STARD13: variants seen among roughly 807,000 people sequenced by gnomAD.
STARD13 encodes the protein StAR related lipid transfer domain containing 13.
A neutral mutation model predicts 106.4 loss-of-function variants in STARD13; 62 were observed. The observed-to-expected ratio is 0.58, with a 90% confidence interval of 0.48 to 0.72. STARD13 has a LOEUF of 0.72. STARD13 is among the 30% of genes least tolerant of loss of function. The pLI is 0.00. For missense variants in STARD13, 1,387 were observed against 1,424.0 expected, an observed-to-expected ratio of 0.97 and a Z score of 0.42; for synonymous variants, 565 against 553.0, an observed-to-expected ratio of 1.02 and a Z score of -0.31.
At chr13:33,258,190 G>A (rs906390888) in intron 1 of STARD13, among the ~76,000 whole-genome samples, 2 of 152,118 alleles carry the variant, frequency 1.3e-5, no homozygotes, top group Non-Finnish European at 2.9e-5. Context: ...TGGCTTGATC[G>A]TCAATGATTC....
chr13:33,358,367 C>T, the STARD13 span, among the ~76,000 whole-genome samples: 703 of 152,318 alleles, frequency 4.6e-3, 4 homozygotes, highest in African/African-American at 0.015. Flanking sequence ...GGAATGTAAG[C>T]GCACGGCACA....
chr13:33,347,724 T>C (rs2078032706), downstream of STARD13, among the ~76,000 whole-genome samples: 1 of 152,166 alleles, frequency 6.6e-6, no homozygotes, highest in South Asian at 2.1e-4. Flanking sequence ...TGTAAATACA[T>C]TCTATGATTT....
chr13:33,368,663 T>G, the STARD13 span, among the ~76,000 whole-genome samples: 4 of 152,152 alleles, frequency 2.6e-5, no homozygotes, highest in Non-Finnish European at 5.9e-5. Flanking sequence ...CAAAAGGGCC[T>G]GCGCTGTGAA....
chr13:33,261,286 A>G (rs924464703), intron 1 of STARD13, among the ~76,000 whole-genome samples: 2 of 152,200 alleles, frequency 1.3e-5, no homozygotes, highest in Non-Finnish European at 2.9e-5. Flanking sequence ...GCCTCTTAGC[A>G]TCCCACAATG....
the STARD13 span, among the ~76,000 whole-genome samples, chr13:33,579,965 A>G: frequency 6.6e-6 from 1 of 152,126 alleles, no homozygotes; most frequent in Non-Finnish European, 1.5e-5. Flanking sequence ...GCTGATGGAA[A>G]CGCAAAATGG....
chr13:33,461,425 T>C, the STARD13 span, among the ~76,000 whole-genome samples: 5 of 152,200 alleles, frequency 3.3e-5, no homozygotes, highest in Non-Finnish European at 7.3e-5. Context: ...ACCAGCCACA[T>C]AAAGTAGGTA....
chr13:33,125,655 GAA>G (rs11390553), intron 7 of STARD13, among the ~76,000 whole-genome samples: 4,312 of 150,908 alleles, frequency 0.029, 221 homozygotes, highest in African/African-American at 0.097. Flanking sequence ...TGCTTCAAAG[GAA>G]AAAAAAAGAA....
At chr13:33,647,024 A>T in the STARD13 span, among the ~76,000 whole-genome samples, 13 of 152,156 alleles carry the variant, frequency 8.5e-5, no homozygotes, top group Non-Finnish European at 1.6e-4. Flanking sequence ...AATATAAAAT[A>T]AAAAATTTAA....
the STARD13 span, among the ~76,000 whole-genome samples, chr13:33,359,306 G>A: frequency 4.2e-4 from 64 of 151,898 alleles, no homozygotes; most frequent in African/African-American, 1.1e-3. Flanking sequence ...AACTCCAGAC[G>A]CGCTGCCTTA....
intron 4 of STARD13, among the ~76,000 whole-genome samples, chr13:33,136,890 C>T (rs1257172277): frequency 4.6e-5 from 7 of 152,188 alleles, no homozygotes; most frequent in South Asian, 2.1e-4. Flanking sequence ...CTTTTGCTGG[C>T]GCCAAGAAGC....
chr13:33,354,679 T>C (rs187543702), upstream of STARD13, among the ~76,000 whole-genome samples: 8 of 152,264 alleles, frequency 5.3e-5, no homozygotes, highest in Non-Finnish European at 1.5e-5. Context: ...ATCTGCTCCT[T>C]AGTCTAAGTG....
At chr13:33,319,882 A>T (rs1440805658) in intron 1 of STARD13, among the ~76,000 whole-genome samples, 1 of 152,216 alleles carries the variant, frequency 6.6e-6, no homozygotes, top group Non-Finnish European at 1.5e-5. Flanking sequence ...TTGGATATAG[A>T]TGAGGCTCTA....
At position 33,127,551 on chromosome 13, in the gene STARD13, A is replaced by G; in HGVS notation, c.1749-5T>C. ...AAACTGTTCCATCGGAGTCGCCTTT[A>G]CCAGAGAGACCATCAGAGAAGCCAG... is the stretch of plus-strand genomic sequence containing the variant. On this transcript the variant is annotated splice_region_variant and splice_polypyrimidine_tract_variant and intron_variant, in intron 5 of 13. Coordinates refer to ENST00000336934, the MANE Select transcript of STARD13 (RefSeq NM_178006.4). 6.5e-7 allele frequency: 1 copy of G among 1,527,994 alleles called. No homozygotes were observed. Among genetic ancestry groups the G allele is most frequent in the Non-Finnish European group, 8.7e-7 (1 of 1,146,194 alleles). The allele number at this position is 1,527,994 out of a possible 1,614,324, so 94.7% of individuals were successfully genotyped here.
At chr13:33,508,910 C>T in the STARD13 span, among the ~76,000 whole-genome samples, 1 of 152,134 alleles carries the variant, frequency 6.6e-6, no homozygotes, top group South Asian at 2.1e-4. Context: ...AGGCTACTAA[C>T]CTGTACAGCA....
the STARD13 span, among the ~76,000 whole-genome samples, chr13:33,596,534 T>C: frequency 2.3e-3 from 343 of 152,338 alleles, no homozygotes; most frequent in African/African-American, 8.1e-3. Context: ...ACCTCAAATA[T>C]TTATCATTTC....
intron 1 of STARD13, chr13:33,185,838 T>C (rs753756583): frequency 3.1e-6 from 5 of 1,600,218 alleles, no homozygotes; most frequent in Admixed American, 1.7e-5. Context: ...CACAAAGGTC[T>C]ATCCTTTGTA....
At chr13:33,380,034 A>G in the STARD13 span, among the ~76,000 whole-genome samples, 1 of 152,204 alleles carries the variant, frequency 6.6e-6, no homozygotes, top group African/African-American at 2.4e-5. Context: ...AATGCATGCA[A>G]GACAGAGAAG....
chr13:33,369,698 A>G, the STARD13 span, among the ~76,000 whole-genome samples: 1 of 152,214 alleles, frequency 6.6e-6, no homozygotes, highest in South Asian at 2.1e-4. Context: ...ATGCACATAT[A>G]AGTGCATTAC....
chr13:33,482,647 GATAA>G, the STARD13 span, among the ~76,000 whole-genome samples: 3 of 152,116 alleles, frequency 2.0e-5, no homozygotes, highest in East Asian at 5.8e-4. Flanking sequence ...GACATTTGTT[GATAA>G]ATAATTATCA....
Sources: gnomAD v4.1 joint callset for allele counts (sites outside exome capture counted in the v4.1 genomes callset) on GRCh38, gnomAD v4.1.1 for gene constraint, MANE v1.5 for transcripts, NCBI Gene and HGNC (gene_info 2026-07-23, HGNC 2026-07-21) for gene names.